The following BNC2 variants were observed in gnomAD, a reference collection of about 807,000 sequenced individuals.
BNC2 encodes the protein zinc finger protein basonuclin-2.
A neutral mutation model predicts 76.3 loss-of-function variants in BNC2; 20 were observed. The observed-to-expected ratio is 0.26, with a 90% CI of 0.18 to 0.38. The LOEUF (loss-of-function observed/expected upper bound fraction) is 0.38, where lower values mean the gene tolerates loss of function less well. Ranked by LOEUF, BNC2 falls within the 10% of genes least tolerant of loss-of-function variation. The pLI, the probability that BNC2 is intolerant of heterozygous loss-of-function variation, is 1.00. For synonymous variants in BNC2, 582 were observed against 514.8 expected (o/e 1.13, Z -1.77); for missense variants, 1,382 against 1,399.8 (o/e 0.99, Z 0.20).
At chr9:16,609,296 T>C (rs1022162805) in intron 3 of BNC2, among the ~76,000 whole-genome samples, 1 of 152,086 alleles carries the variant, frequency 6.6e-6, no homozygotes, top group Admixed American at 6.6e-5. Flanking sequence ...CTCAAGAAGC[T>C]TGAGCTGCAA....
intron 4 of BNC2, among the ~76,000 whole-genome samples, chr9:16,565,263 C>G (rs1819136009): frequency 6.6e-6 from 1 of 152,174 alleles, no homozygotes; most frequent in Non-Finnish European, 1.5e-5. Context: ...CACCCACACA[C>G]AAAATCCTTA....
intron 4 of BNC2, chr9:16,575,214 C>A: frequency 1.0e-6 from 1 of 954,126 alleles, no homozygotes; most frequent in Non-Finnish European, 1.2e-6. Flanking sequence ...TGAATGTAAA[C>A]AGTCTCATTC....
At chr9:16,796,091 CCTT>C (rs1471818799) in intron 1 of BNC2, among the ~76,000 whole-genome samples, 2 of 152,326 alleles carry the variant, frequency 1.3e-5, no homozygotes, top group East Asian at 3.9e-4. Flanking sequence ...AGCCCACACT[CCTT>C]CTACTAAGCA....
chr9:16,577,783 G>C (rs926768008), intron 4 of BNC2, among the ~76,000 whole-genome samples: 9 of 152,132 alleles, frequency 5.9e-5, no homozygotes, highest in African/African-American at 2.2e-4. Flanking sequence ...CATTCTTGCA[G>C]GCAGACCTCA....
chr9:16,436,903 T>C lies in BNC2; in HGVS notation c.1291A>G (p.Arg431Gly). The C allele has an allele frequency of 6.2e-7, 1 of 1,614,162 alleles. No individual in the cohort carries two copies. Among genetic ancestry groups the C allele is most frequent in the Non-Finnish European group, 8.5e-7 (1 of 1,180,042 alleles). Residue 431 changes from arginine (R) to glycine (G), a missense_variant, in exon 6 of 7, where the codon AGG becomes GGG. Arg to Gly is a moderately radical substitution (Grantham distance 125). Around this residue, in one of 3 missense-constraint regions of BNC2, gnomAD observed 557 missense variants for 540.9 expected, o/e 1.03. Coordinates refer to ENST00000380672, the MANE Select transcript of BNC2 (RefSeq NM_017637.6). Reference sequence around the variant, plus strand: ...CCTTTCCTAGAGGCTGACCCCATCCTTCTCATCCGATGAATCCGGAATGAG... The same window carrying C: ...CCTTTCCTAGAGGCTGACCCCATCCCTCTCATCCGATGAATCCGGAATGAG... ...KSSFRIHRMR[R>G]MGSASRKGRV... is the part of the protein sequence containing the mutation.
intron 6 of BNC2, among the ~76,000 whole-genome samples, chr9:16,422,133 A>G (rs963513524): frequency 6.6e-6 from 1 of 152,172 alleles, no homozygotes; most frequent in African/African-American, 2.4e-5. Context: ...ATCTCCACCA[A>G]TATGTTACCA....
chr9:16,688,060 G>T (rs1823028943), intron 3 of BNC2, among the ~76,000 whole-genome samples: 1 of 152,124 alleles, frequency 6.6e-6, no homozygotes, highest in African/African-American at 2.4e-5. Flanking sequence ...ATCTTTGAAA[G>T]TTGACTCCCA....
At chr9:16,678,434 A>G (rs1223565881) in intron 3 of BNC2, among the ~76,000 whole-genome samples, 1 of 150,600 alleles carries the variant, frequency 6.6e-6, no homozygotes, top group Non-Finnish European at 1.5e-5. Context: ...TGCCCAGCTA[A>G]TTTTCTGTAT....
chr9:16,444,613 G>A (rs898380233), intron 5 of BNC2, among the ~76,000 whole-genome samples: 2 of 152,066 alleles, frequency 1.3e-5, no homozygotes, highest in African/African-American at 4.8e-5. Flanking sequence ...TTCTAGCTAG[G>A]GGTCAGCAAA....
At chr9:16,685,889 A>C (rs1822963569) in intron 3 of BNC2, among the ~76,000 whole-genome samples, 1 of 152,242 alleles carries the variant, frequency 6.6e-6, no homozygotes, top group Non-Finnish European at 1.5e-5. Flanking sequence ...AGCAGGTAGC[A>C]CACAGTAGGC....
intron 4 of BNC2, among the ~76,000 whole-genome samples, chr9:16,558,124 A>C (rs1818895572): frequency 6.6e-6 from 1 of 152,164 alleles, no homozygotes; most frequent in Non-Finnish European, 1.5e-5. Context: ...TTGGGATTAC[A>C]GGCATGAGCC....
chr9:16,511,649 G>C (rs1822759306), intron 5 of BNC2, among the ~76,000 whole-genome samples: 1 of 151,908 alleles, frequency 6.6e-6, no homozygotes, highest in African/African-American at 2.4e-5. Context: ...GGCAGGTCTT[G>C]AACTTCTGAG....
chr9:16,765,631 A>G (rs1293888514), intron 1 of BNC2, among the ~76,000 whole-genome samples: 1 of 152,130 alleles, frequency 6.6e-6, no homozygotes, highest in Non-Finnish European at 1.5e-5. Flanking sequence ...ACCAACCCCA[A>G]ACTCTTTTGG....
intron 1 of BNC2, among the ~76,000 whole-genome samples, chr9:16,853,984 C>G (rs1006779755): frequency 1.3e-5 from 2 of 152,192 alleles, no homozygotes; most frequent in Admixed American, 6.5e-5. Flanking sequence ...GTCGCCTGAA[C>G]TTATGGATGT....
intron 4 of BNC2, among the ~76,000 whole-genome samples, chr9:16,561,548 G>T (rs1363683238): frequency 1.4e-5 from 2 of 143,722 alleles, no homozygotes; most frequent in African/African-American, 5.9e-5. Context: ...CTTGAGAATG[G>T]GCCTCCAAGT....
In BNC2 at chr9:16,756,208, C is replaced by G. The variant is rs148945149; in HGVS notation, c.4-17723G>C. ...ACTTTTGAGATATCTTACATACCTG[C>G]AAAATCTTTTTATGCCTACTCAATA... is the stretch of plus-strand genomic sequence containing the variant. On this transcript the variant is annotated intron_variant, in intron 1 of 6. Coordinates refer to ENST00000380672, the MANE Select transcript of BNC2 (RefSeq NM_017637.6). 2.3e-3 allele frequency among the ~76,000 whole-genome samples: 355 copies of G among 152,306 alleles called. 1 individual carries two copies. Among genetic ancestry groups the G allele is most frequent in the African/African-American group, 7.7e-3 (320 of 41,570 alleles).
chr9:16,600,178 T>C (rs371352384), intron 3 of BNC2, among the ~76,000 whole-genome samples: 1 of 152,232 alleles, frequency 6.6e-6, no homozygotes, highest in Admixed American at 6.5e-5. Flanking sequence ...GTTTGTGAGA[T>C]GGCTGTTTCC....
chr9:16,787,420 C>T (rs962942099), intron 1 of BNC2, among the ~76,000 whole-genome samples: 1 of 152,200 alleles, frequency 6.6e-6, no homozygotes, highest in Non-Finnish European at 1.5e-5. Context: ...GACTCTGGAG[C>T]CACGCTGCCT....
At chr9:16,520,727 G>C (rs1013491946) in intron 5 of BNC2, among the ~76,000 whole-genome samples, 1 of 152,182 alleles carries the variant, frequency 6.6e-6, no homozygotes, top group African/African-American at 2.4e-5. Context: ...AGGAGTAACT[G>C]TACTTTGTGA....
Sources: gnomAD v4.1 joint callset for allele counts (sites outside exome capture counted in the v4.1 genomes callset) on GRCh38, gnomAD v4.1.1 for gene constraint, gnomAD v4.1.1 regional missense constraint, MANE v1.5 for transcripts, NCBI Gene and HGNC (gene_info 2026-07-23, HGNC 2026-07-21) for gene names.